Variants in RERE observed in about 807,000 individuals in gnomAD.
RERE encodes the protein arginine-glutamic acid dipeptide repeats.
A neutral mutation model predicts 146.1 loss-of-function variants in RERE; 40 were observed. The observed-to-expected ratio is 0.27, with a 90% CI of 0.21 to 0.36. The LOEUF (loss-of-function observed/expected upper bound fraction) is 0.36. Among genes scored for constraint, RERE ranks in the 10% least tolerant of loss-of-function variants. RERE has a pLI of 1.00. For missense variants in RERE, 1,933 were observed against 2,138.7 expected (o/e 0.90, Z 1.90); for synonymous variants, 1,003 against 866.0 (o/e 1.16, Z -2.78).
At chr1:8,729,662 C>G (rs1034145150) in intron 1 of RERE, among the ~76,000 whole-genome samples, 2 of 152,160 alleles carry the variant, frequency 1.3e-5, no homozygotes, top group African/African-American at 4.8e-5. Flanking sequence ...AGACTGCCAA[C>G]AGCAAACATC....
intron 3 of RERE, among the ~76,000 whole-genome samples, chr1:8,616,132 T>G (rs1157125056): frequency 6.6e-6 from 1 of 152,244 alleles, no homozygotes; most frequent in Non-Finnish European, 1.5e-5. Flanking sequence ...CTGGATAATC[T>G]CTTCCACTAG....
At chr1:8,732,046 G>A (rs1336537514) in intron 1 of RERE, among the ~76,000 whole-genome samples, 2 of 151,970 alleles carry the variant, frequency 1.3e-5, no homozygotes, top group East Asian at 3.9e-4. Context: ...CTCGTGATCT[G>A]CCCACCTCAG....
intron 1 of RERE, among the ~76,000 whole-genome samples, chr1:8,665,282 G>A (rs748661350): frequency 1.6e-4 from 24 of 152,170 alleles, no homozygotes; most frequent in Non-Finnish European, 2.9e-4. Flanking sequence ...ACATTTACTT[G>A]TGTGATTTGG....
intron 12 of RERE, among the ~76,000 whole-genome samples, chr1:8,375,246 A>G (rs1642193890): frequency 6.6e-6 from 1 of 152,266 alleles, no homozygotes; most frequent in South Asian, 2.1e-4. Context: ...TGAGAAATGG[A>G]TACCGAATTG....
intron 1 of RERE, among the ~76,000 whole-genome samples, chr1:8,737,575 GA>G (rs1304745372): frequency 1.3e-5 from 2 of 150,028 alleles, no homozygotes; most frequent in Non-Finnish European, 3.0e-5. Context: ...CAATGTTCAG[GA>G]AGCAGAATTT....
At chr1:8,806,389 G>A (rs909970910) in intron 1 of RERE, among the ~76,000 whole-genome samples, 16 of 152,020 alleles carry the variant, frequency 1.1e-4, no homozygotes, top group African/African-American at 3.6e-4. Context: ...AATTTAGCCA[G>A]GTGTGGTGGT....
intron 10 of RERE, among the ~76,000 whole-genome samples, chr1:8,478,857 T>C (rs141325483): frequency 1.1e-3 from 160 of 152,280 alleles, no homozygotes; most frequent in Admixed American, 3.7e-3. Flanking sequence ...CCCAGAGTTT[T>C]GAGGGGCTAG....
At chr1:8,607,530 A>ATTTTTTTTTTTTTTTTTT (rs1646732347) in intron 4 of RERE, among the ~76,000 whole-genome samples, 1 of 57,580 alleles carries the variant, frequency 1.7e-5, no homozygotes, top group African/African-American at 6.8e-5. Flanking sequence ...TTTTATATAT[A>ATTTTTTTTTTTTTTTTTT]TTTCTTTTTT....
At chr1:8,487,559 T>C (rs1328878348) in intron 10 of RERE, among the ~76,000 whole-genome samples, 3 of 152,088 alleles carry the variant, frequency 2.0e-5, no homozygotes, top group African/African-American at 7.2e-5. Flanking sequence ...GCCTGGGCAA[T>C]AGACCCTTTC....
At chr1:8,463,463 C>T (rs996206043) in intron 11 of RERE, among the ~76,000 whole-genome samples, 2 of 152,136 alleles carry the variant, frequency 1.3e-5, no homozygotes, top group South Asian at 4.1e-4. Context: ...CAAAACTTCC[C>T]TCTCAGCTCA....
intron 6 of RERE, among the ~76,000 whole-genome samples, chr1:8,554,909 AG>A (rs2124420715): frequency 6.6e-6 from 1 of 152,304 alleles, no homozygotes; most frequent in South Asian, 2.1e-4. Context: ...CACTGGTCCC[AG>A]GTAACAATTT....
chr1:8,797,685 T>C (rs891873589), intron 1 of RERE, among the ~76,000 whole-genome samples: 2 of 152,252 alleles, frequency 1.3e-5, no homozygotes, highest in Non-Finnish European at 2.9e-5. Context: ...TGTCACCTCT[T>C]GCAGTTGGAA....
chr1:8,418,502 A>T (rs1179039580), intron 12 of RERE, among the ~76,000 whole-genome samples: 1 of 152,186 alleles, frequency 6.6e-6, no homozygotes, highest in Non-Finnish European at 1.5e-5. Context: ...TCACTGAGGA[A>T]GCGCTCCTGG....
At chr1:8,503,562 A>C (rs965955133) in intron 8 of RERE, among the ~76,000 whole-genome samples, 6 of 152,226 alleles carry the variant, frequency 3.9e-5, no homozygotes, top group African/African-American at 1.4e-4. Context: ...GGGAATGAGA[A>C]GGAGCTCTAT....
intron 11 of RERE, among the ~76,000 whole-genome samples, chr1:8,433,956 CTTTCT>C (rs372263770): frequency 7.7e-4 from 117 of 152,310 alleles, no homozygotes; most frequent in African/African-American, 2.5e-3. Flanking sequence ...TTTCTGTTTC[CTTTCT>C]TTTCCTCTTT....
intron 4 of RERE, among the ~76,000 whole-genome samples, chr1:8,574,027 A>G (rs1430306461): frequency 2.6e-5 from 4 of 152,064 alleles, no homozygotes; most frequent in Non-Finnish European, 5.9e-5. Context: ...GCTGGTCTTA[A>G]ACTCCTGGGC....
At chr1:8,492,090 A>G (rs1214200592) in intron 10 of RERE, among the ~76,000 whole-genome samples, 1 of 152,228 alleles carries the variant, frequency 6.6e-6, no homozygotes, top group Non-Finnish European at 1.5e-5. Flanking sequence ...AAAACAGCAC[A>G]TAACTTTTCA....
chr1:8,451,171 C>T (rs549786647), intron 11 of RERE, among the ~76,000 whole-genome samples: 2 of 152,322 alleles, frequency 1.3e-5, no homozygotes, highest in East Asian at 3.9e-4. Flanking sequence ...TGGCTCACAC[C>T]TGTAATCCCA....
At chr1:8,391,005 C>T (rs778634031) in intron 12 of RERE, among the ~76,000 whole-genome samples, 10 of 152,208 alleles carry the variant, frequency 6.6e-5, no homozygotes, top group Non-Finnish European at 4.4e-5. Flanking sequence ...CATCCAATCT[C>T]GGGGTCACCT....
Sources: gnomAD v4.1 joint callset for allele counts (sites outside exome capture counted in the v4.1 genomes callset) on GRCh38, gnomAD v4.1.1 for gene constraint, MANE v1.5 for transcripts, NCBI Gene and HGNC (gene_info 2026-07-23, HGNC 2026-07-21) for gene names.